Variants in FGF1 observed in about 807,000 individuals in gnomAD.
The protein encoded by FGF1 is fibroblast growth factor 1, also known as beta-endothelial cell growth factor.
In FGF1, 9 loss-of-function variants were observed where a neutral mutation model predicts 13.4. That is an observed-to-expected ratio of 0.67 (90% confidence interval 0.40 to 1.17). The LOEUF is 1.17. FGF1 is among the 50% of genes most tolerant of loss of function. The pLI is 0.01. For missense variants in FGF1, 156 were observed against 192.7 expected, an observed-to-expected ratio of 0.81 and a Z score of 1.13; for synonymous variants, 93 against 79.0, an observed-to-expected ratio of 1.18 and a Z score of -0.94.
At chr5:142,610,325 T>C (rs1050215490) in intron 2 of FGF1, among the ~76,000 whole-genome samples, 2 of 152,286 alleles carry the variant, frequency 1.3e-5, no homozygotes, top group African/African-American at 4.8e-5. Flanking sequence ...GACACAAAAT[T>C]TGTAGTGTTG....
intron 2 of FGF1, among the ~76,000 whole-genome samples, chr5:142,695,942 G>A (rs1753046064): frequency 6.6e-6 from 1 of 152,198 alleles, no homozygotes; most frequent in Non-Finnish European, 1.5e-5. Flanking sequence ...CAGCACCAAG[G>A]TGGGCCCTCA....
chr5:142,692,682 C>CA (rs1006569200), intron 2 of FGF1, among the ~76,000 whole-genome samples: 4 of 149,628 alleles, frequency 2.7e-5, no homozygotes, highest in African/African-American at 1.0e-4. Flanking sequence ...CACACGCACA[C>CA]ACGCACACAC....
chr5:142,665,800 C>A (rs1770194795), intron 1 of FGF1, among the ~76,000 whole-genome samples: 1 of 152,198 alleles, frequency 6.6e-6, no homozygotes, highest in Non-Finnish European at 1.5e-5. Flanking sequence ...CTCTCCTCTT[C>A]AAGCACAACC....
At chr5:142,658,515 A>G (rs1284890440) in intron 1 of FGF1, among the ~76,000 whole-genome samples, 1 of 152,226 alleles carries the variant, frequency 6.6e-6, no homozygotes, top group Non-Finnish European at 1.5e-5. Flanking sequence ...CTAAGCACCC[A>G]GGATGTGTCA....
intron 1 of FGF1, among the ~76,000 whole-genome samples, chr5:142,635,151 G>A (rs756096823): frequency 6.6e-6 from 1 of 152,154 alleles, no homozygotes; most frequent in Non-Finnish European, 1.5e-5. Flanking sequence ...CTGTGGCTCT[G>A]CACTAACTTG....
intron 2 of FGF1, among the ~76,000 whole-genome samples, chr5:142,694,093 A>G (rs1290331974): frequency 1.5e-4 from 2 of 13,260 alleles, no homozygotes; most frequent in South Asian, 1.9e-3. Flanking sequence ...TCTATAATCT[A>G]TCTATCTATC....
chr5:142,658,684 C>T (rs1768610322), intron 1 of FGF1, among the ~76,000 whole-genome samples: 1 of 152,096 alleles, frequency 6.6e-6, no homozygotes, highest in African/African-American at 2.4e-5. Flanking sequence ...GAGGATATTT[C>T]CTTCGGTATC....
intron 1 of FGF1, among the ~76,000 whole-genome samples, chr5:142,663,118 C>T (rs534225411): frequency 6.6e-6 from 1 of 152,174 alleles, no homozygotes; most frequent in East Asian, 1.9e-4. Flanking sequence ...ACAACTGTGC[C>T]TGGCATACAA....
chr5:142,678,640 G>A lies in FGF1; in HGVS notation c.-35+7317C>T, dbSNP rs368612428. Reference sequence around the variant, plus strand: ...CTGCCTGGACTAATCTCTGCCATTCGCCACAGTCCCTGATGAATAAATCAC... The same window carrying A: ...CTGCCTGGACTAATCTCTGCCATTCACCACAGTCCCTGATGAATAAATCAC... On this transcript the variant is annotated intron_variant, in intron 1 of 3. Transcript: ENST00000337706. Among the ~76,000 whole-genome samples, 54 of 152,164 alleles carry A rather than the reference G, an allele frequency of 3.5e-4. No homozygotes were observed. In the East Asian group the frequency reaches 6.2e-3, roughly 17 times the overall value.
At chr5:142,623,571 A>G (rs935544271) in intron 1 of FGF1, among the ~76,000 whole-genome samples, 4 of 150,174 alleles carry the variant, frequency 2.7e-5, no homozygotes, top group Admixed American at 2.0e-4. Context: ...CTGGTCTCAA[A>G]CTCCTGACCT....
chr5:142,679,691 C>T (rs1054576203), intron 1 of FGF1, among the ~76,000 whole-genome samples: 4 of 152,340 alleles, frequency 2.6e-5, no homozygotes, highest in Non-Finnish European at 5.9e-5. Context: ...CCTCCCTCTT[C>T]ACTCTTTCTG....
intron 1 of FGF1, among the ~76,000 whole-genome samples, chr5:142,619,343 A>G (rs1422237511): frequency 6.6e-6 from 1 of 152,172 alleles, no homozygotes; most frequent in Non-Finnish European, 1.5e-5. Flanking sequence ...GTAGACAGAC[A>G]CCTGCTAAGG....
rs1756427297 is a variant in FGF1, at chr5:142,601,011, T to A, written c.170-206A>T. The stretch of plus-strand genomic sequence containing the variant: ...AAGCTGTCCATTGGGAATTACGTCC[T>A]TGGGAAAGGAAGGAGAGACAACGGC... On this transcript the variant is annotated intron_variant, in intron 2 of 3. Coordinates refer to ENST00000337706, the MANE Select transcript of FGF1 (RefSeq NM_000800.5). 43 of 631,562 alleles carry A rather than the reference T, an allele frequency of 6.8e-5. No homozygotes were observed. The East Asian group carries it at 1.3e-3, about 20-fold the overall frequency. The allele number at this position is 631,562 out of a possible 1,614,324, so 39.1% of individuals were successfully genotyped here. A position where few individuals can be genotyped will look rare whatever the true frequency, so the allele number is the denominator to read the frequency against.
chr5:142,606,374 C>G (rs1757692187), intron 2 of FGF1, among the ~76,000 whole-genome samples: 1 of 151,210 alleles, frequency 6.6e-6, no homozygotes, highest in Admixed American at 6.6e-5. Context: ...ACAATGCATT[C>G]AGGAGGCCGA....
At chr5:142,686,532 T>G (rs577073834), upstream of FGF1, 1 of 152,284 alleles carries the variant, frequency 6.6e-6, no homozygotes, top group Admixed American at 6.5e-5. Flanking sequence ...TTTTGAGGCC[T>G]GAGTTGCCAG....
At chr5:142,655,039 G>T (rs113630939) in intron 1 of FGF1, among the ~76,000 whole-genome samples, 1 of 152,200 alleles carries the variant, frequency 6.6e-6, no homozygotes, top group Non-Finnish European at 1.5e-5. Flanking sequence ...AACTGTTTTC[G>T]TTTATGCTGC....
intron 1 of FGF1, among the ~76,000 whole-genome samples, chr5:142,681,293 C>A (rs1773647205): frequency 6.6e-6 from 1 of 152,204 alleles, no homozygotes; most frequent in Admixed American, 6.5e-5. Flanking sequence ...CCAATCTTGA[C>A]TTCAAATTTA....
Position 142,594,545 on chromosome 5 carries a change from T to C in FGF1, c.*745A>G, listed in dbSNP as rs1166630358. The C allele has an allele frequency of 6.6e-6, 1 of 152,302 alleles. No individual in the cohort carries two copies. The highest frequency in any genetic ancestry group is 1.5e-5 in the Non-Finnish European group (1 of 68,128). The allele number at this position is 152,302 out of a possible 1,614,324, so 9.4% of individuals were successfully genotyped here. A position where few individuals can be genotyped will look rare whatever the true frequency, so the allele number is the denominator to read the frequency against. The stretch of plus-strand genomic sequence containing the variant: ...CATGAATTTCCCAGCTCTGATATCC[T>C]TGCTTGTTATCAGGAAACCACTTCT... On this transcript the variant is annotated 3_prime_UTR_variant, in exon 4 of 4. Transcript: ENST00000337706.
At chr5:142,629,963 G>A (rs1011978300) in intron 1 of FGF1, among the ~76,000 whole-genome samples, 2 of 147,670 alleles carry the variant, frequency 1.4e-5, no homozygotes, top group African/African-American at 5.0e-5. Flanking sequence ...GCATGATCTC[G>A]GCTCACTGTA....
Sources: allele counts gnomAD v4.1 joint callset (sites outside exome capture counted in the v4.1 genomes callset), GRCh38; gene constraint gnomAD v4.1.1; transcripts MANE v1.5; gene names NCBI Gene and HGNC (gene_info 2026-07-23, HGNC 2026-07-21).